CD22: variants seen among roughly 807,000 people sequenced by gnomAD.
The protein encoded by CD22 is CD22 molecule.
In CD22, 51 loss-of-function variants were observed where a neutral mutation model predicts 94.7. That is an observed-to-expected ratio of 0.54 (90% CI 0.43 to 0.68). The LOEUF is 0.68. CD22 is among the 30% of genes least tolerant of loss of function. The pLI, the probability that CD22 is intolerant of heterozygous loss-of-function variation, is 0.00. For missense variants in CD22, 931 were observed against 1,060.4 expected (o/e 0.88, Z 1.69); for synonymous variants, 424 against 422.5 (o/e 1.00, Z -0.04).
chr19:35,331,175 G>C (rs2066640246), intron 1 of CD22: 1 of 152,084 alleles, frequency 6.6e-6, no homozygotes, highest in Non-Finnish European at 1.5e-5. Flanking sequence ...TGCCTGCCTT[G>C]GCATCCCAAA....
Position 35,336,107 on chromosome 19 carries a change from T to G in CD22, c.484T>G (p.Leu162Val), listed in dbSNP as rs751456893. 3.1e-6 allele frequency: 5 copies of G among 1,614,130 alleles called. No homozygotes were observed. The highest frequency in any genetic ancestry group is 4.2e-6 in the Non-Finnish European group (5 of 1,179,996). The change falls in exon 4 of 14, where the codon TTG (leucine) becomes GTG (valine). Residue 162 changes from leucine to valine, a missense_variant. Physicochemically the swap from Leu to Val is conservative, Grantham distance 32. Coordinates refer to ENST00000085219, the MANE Select transcript of CD22 (RefSeq NM_001771.4). ...QESQEVTLTCLLNFSCYGYPI... is the reference protein window; with the variant it reads ...QESQEVTLTCVLNFSCYGYPI... ...GTCCCAGGAAGTCACTCTGACCTGC[T>G]TGCTGAATTTCTCCTGCTATGGGTA...
intron 9 of CD22, among the ~76,000 whole-genome samples, chr19:35,342,972 G>C (rs536948867): frequency 3.3e-5 from 5 of 151,976 alleles, no homozygotes; most frequent in Non-Finnish European, 7.4e-5. Flanking sequence ...CACCATGCCC[G>C]GCTAATTTTT....
intron 9 of CD22, among the ~76,000 whole-genome samples, chr19:35,343,708 C>A (rs558547993): frequency 7.5e-4 from 114 of 152,044 alleles, no homozygotes; most frequent in African/African-American, 2.7e-3. Flanking sequence ...ATAGCCCACA[C>A]CTCATAGCAG....
At chr19:35,345,539 C>T (rs2066892900) in intron 11 of CD22, 63 bp from the exon 12 acceptor site, 1 of 1,021,144 alleles carries the variant, frequency 9.8e-7, no homozygotes. Flanking sequence ...CTGTCAGAGG[C>T]CAGGGAAGGG....
chr19:35,337,837 C>A lies in CD22; in HGVS notation c.801C>A (p.Val267=). 1 of 1,613,886 alleles carries A rather than the reference C, an allele frequency of 6.2e-7. No individual in the cohort carries two copies. The highest frequency in any genetic ancestry group is 8.5e-7 in the Non-Finnish European group (1 of 1,179,816). Residue 267 remains valine, a synonymous_variant, in exon 5 of 14, where the codon GTC becomes GTA. Coordinates refer to ENST00000085219, the MANE Select transcript of CD22 (RefSeq NM_001771.4). This position sits in a 1 kb window ranked among gnomAD's most constrained non-coding sequence, Gnocchi z 4.4. ...EGDSVTMTCE[V]SSSNPEYTTV... Reference sequence around the variant, plus strand: ...ACTCTGTGACCATGACCTGCGAGGTCAGCAGCAGCAACCCGGAGTACACGA... The same window carrying A: ...ACTCTGTGACCATGACCTGCGAGGTAAGCAGCAGCAACCCGGAGTACACGA...
rs1212129608 is a variant in CD22 at position 35,345,671 on chromosome 19, A to G, written c.2278A>G (p.Ile760Val). ...GCYNPMMEDGISYTTLRFPEM... is the reference protein window; with the variant it reads ...GCYNPMMEDGVSYTTLRFPEM... ...CTACAATCCAATGATGGAAGATGGC[A>G]TTAGCTACACCACCCTGCGCTTTCC... The change falls in exon 12 of 14, where the codon ATT becomes GTT. Residue 760 changes from isoleucine (I) to valine (V), a missense_variant. Ile to Val is a conservative substitution (Grantham distance 29). Coordinates refer to ENST00000085219, the MANE Select transcript of CD22 (RefSeq NM_001771.4). 10 of 1,613,872 alleles carry G rather than the reference A, an allele frequency of 6.2e-6. No homozygotes were observed. Among genetic ancestry groups the G allele is most frequent in the Non-Finnish European group, 7.6e-6 (9 of 1,179,888 alleles).
chr19:35,342,003 GTCAGTCCTTCCT>G, intron 9 of CD22, 38 bp downstream of exon 9: 1 of 1,465,538 alleles, frequency 6.8e-7, no homozygotes, highest in South Asian at 1.2e-5. Flanking sequence ...CTTGGTGGTG[GTCAGTCCTTCCT>G]TCCTTCCTTC....
chr19:35,345,743 G>GCAGGGTC, intron 12 of CD22, 23 bp downstream of exon 12: 1 of 1,499,038 alleles, frequency 6.7e-7, no homozygotes, highest in Non-Finnish European at 9.3e-7. Flanking sequence ...CCAGGAGGGT[G>GCAGGGTC]ACCCTGCACC....
intron 6 of CD22, among the ~76,000 whole-genome samples, chr19:35,340,367 C>T (rs1421412594): frequency 9.2e-5 from 14 of 152,150 alleles, no homozygotes; most frequent in Non-Finnish European, 5.9e-5. Flanking sequence ...ACTGCAACCT[C>T]CACCTCCCGG....
intron 1 of CD22, 59 bp from the exon 2 acceptor site, chr19:35,331,960 A>G (rs975022614): frequency 3.7e-6 from 6 of 1,612,250 alleles, no homozygotes; most frequent in Non-Finnish European, 5.1e-6. Flanking sequence ...TGAGCAAGAA[A>G]AGCCACGTGG....
rs2066719291 is a variant in CD22, at chr19:35,336,079, A to G, written c.456A>G (p.Gln152=). Residue 152 remains glutamine, a synonymous_variant, in exon 4 of 14, where the codon CAA becomes CAG. Transcript: ENST00000085219. The part of the protein sequence containing the change: ...PPHIQLPPEI[Q]ESQEVTLTCL... ...ATATCCAGCTCCCTCCAGAAATTCAAGAGTCCCAGGAAGTCACTCTGACCT... is the reference window on the plus strand; with the variant it reads ...ATATCCAGCTCCCTCCAGAAATTCAGGAGTCCCAGGAAGTCACTCTGACCT... 1 of 1,613,830 alleles carries G rather than the reference A, an allele frequency of 6.2e-7. No individual in the cohort carries two copies. The highest frequency in any genetic ancestry group is 2.2e-5 in the East Asian group (1 of 44,884).
chr19:35,335,964 G>A (rs1400092612), intron 3 of CD22, 72 bp from the exon 4 acceptor site: 1 of 1,305,178 alleles, frequency 7.7e-7, no homozygotes, highest in Middle Eastern at 2.1e-4. Context: ...TTTGGGACAG[G>A]ACATCTAAAG....
In CD22 at chr19:35,341,028, C is replaced by T. The variant is rs144878916; in HGVS notation, c.1397C>T (p.Ser466Leu). The T allele has an allele frequency of 7.5e-5, 121 of 1,614,098 alleles. No homozygotes were observed. The highest frequency in any genetic ancestry group is 1.6e-4 in the Middle Eastern group (1 of 6,084). Residue 466 changes from serine to leucine, a missense_variant, in exon 7 of 14, where the codon TCG (serine) becomes TTG (leucine). Physicochemically the swap from Ser to Leu is moderately radical, Grantham distance 145. Coordinates refer to ENST00000085219, the MANE Select transcript of CD22 (RefSeq NM_001771.4). This position sits in a 1 kb window ranked among gnomAD's most constrained non-coding sequence, Gnocchi z 4.0. ...WKPHGAWEEP[S>L]LGVLKIQNVG... ...CCCCATGGCGCCTGGGAGGAGCCAT[C>T]GCTTGGGGTGCTGAAGATCCAAAAC... is the stretch of plus-strand genomic sequence containing the variant.
intron 11 of CD22, 187 bp downstream of exon 11, chr19:35,345,313 C>T (rs776711655): frequency 6.0e-5 from 35 of 580,702 alleles, no homozygotes; most frequent in South Asian, 1.4e-4. Flanking sequence ...TCCAGCTACT[C>T]GGGAGGCTGA....
intron 4 of CD22, 30 bp downstream of exon 4, chr19:35,336,371 G>T: frequency 1.2e-6 from 2 of 1,603,354 alleles, no homozygotes; most frequent in South Asian, 1.1e-5. Flanking sequence ...CTGTGGGAAG[G>T]GCAAGGTCTG....
rs377540923 is a variant in CD22, at chr19:35,346,554, C to A, written c.2413-12C>A. The A allele has an allele frequency of 3.1e-6, 5 of 1,593,670 alleles. No homozygotes were observed. The highest frequency in any genetic ancestry group is 4.3e-6 in the Non-Finnish European group (5 of 1,168,564). On this transcript the variant is annotated splice_polypyrimidine_tract_variant and intron_variant, in intron 13 of 13. Transcript: ENST00000085219. ...CAGTGGGGCCAGGCTAACCACCATGCGGTTTTCTCAGGGCGACTATGAGAA... is the reference window on the plus strand; with the variant it reads ...CAGTGGGGCCAGGCTAACCACCATGAGGTTTTCTCAGGGCGACTATGAGAA...
At position 35,341,481 on chromosome 19, in the gene CD22, T is replaced by C. The variant is rs781525545; in HGVS notation, c.1646T>C (p.Leu549Pro). 2.5e-6 allele frequency: 4 copies of C among 1,614,122 alleles called. No homozygotes were observed. Among genetic ancestry groups the C allele is most frequent in the Non-Finnish European group, 8.5e-7 (1 of 1,180,020 alleles). The change falls in exon 8 of 14, where the codon CTT becomes CCT. Residue 549 changes from leucine to proline, a missense_variant. By Grantham distance (98) the Leu-to-Pro change is moderately conservative (BLOSUM62 -3). Coordinates refer to ENST00000085219, the MANE Select transcript of CD22 (RefSeq NM_001771.4). This position sits in a 1 kb window ranked among gnomAD's most constrained non-coding sequence, Gnocchi z 4.0. ...TTCTTCTGGGAGAAAAATGGCAGGC[T>C]TCTGGGGAAAGAAAGCCAGCTGAAT... ...VQFFWEKNGR[L>P]LGKESQLNFD... is the part of the protein sequence containing the mutation.
chr19:35,344,972 G>T (rs2066878930), intron 10 of CD22, 47 bp downstream of exon 10: 1 of 1,600,228 alleles, frequency 6.2e-7, no homozygotes, highest in Non-Finnish European at 8.6e-7. Context: ...CTTGGCAGAG[G>T]CCCGTGTCCA....
chr19:35,337,775 A>G lies in CD22; in HGVS notation c.739A>G (p.Lys247Glu). The part of the protein sequence containing the change: ...NVKHTPKLEI[K>E]VTPSDAIVRE... Reference sequence around the variant, plus strand: ...TCCAGACACCCCGAAGTTGGAGATCAAGGTCACTCCCAGTGATGCCATAGT... The same window carrying G: ...TCCAGACACCCCGAAGTTGGAGATCGAGGTCACTCCCAGTGATGCCATAGT... The change falls in exon 5 of 14, where the codon AAG (lysine) becomes GAG (glutamate). Residue 247 changes from lysine (K) to glutamate (E), a missense_variant. Physicochemically the swap from Lys to Glu is moderately conservative, Grantham distance 56 (BLOSUM62 1). Coordinates refer to ENST00000085219, the MANE Select transcript of CD22 (RefSeq NM_001771.4). This position sits in a 1 kb window ranked among gnomAD's most constrained non-coding sequence, Gnocchi z 4.4. 6.2e-7 allele frequency: 1 copy of G among 1,602,498 alleles called. No individual in the cohort carries two copies. The highest frequency in any genetic ancestry group is 8.5e-7 in the Non-Finnish European group (1 of 1,170,770).
Sources: allele counts gnomAD v4.1 joint callset (sites outside exome capture counted in the v4.1 genomes callset), GRCh38; gene constraint gnomAD v4.1.1; non-coding constraint Gnocchi (gnomAD v3.1); transcripts MANE v1.5; gene names NCBI Gene and HGNC (gene_info 2026-07-23, HGNC 2026-07-21).